The following SHANK2 variants were observed in gnomAD, a reference collection of about 807,000 sequenced individuals.
The protein encoded by SHANK2 is SH3 and multiple ankyrin repeat domains 2.
A neutral mutation model predicts 133.7 loss-of-function variants in SHANK2; 43 were observed. That is an observed-to-expected ratio of 0.32 (90% CI 0.25 to 0.41). SHANK2 has a LOEUF of 0.41. Among genes scored for constraint, SHANK2 ranks in the 10% least tolerant of loss-of-function variants. The pLI, the probability that SHANK2 is intolerant of heterozygous loss-of-function variation, is 1.00. For missense variants in SHANK2, 1,994 were observed against 2,235.8 expected (o/e 0.89, Z 2.18); for synonymous variants, 1,017 against 952.8 (o/e 1.07, Z -1.24).
At chr11:70,876,428 C>T (rs1182443270) in intron 11 of SHANK2, among the ~76,000 whole-genome samples, 5 of 149,930 alleles carry the variant, frequency 3.3e-5, no homozygotes, top group Non-Finnish European at 5.9e-5. Flanking sequence ...GGCGTGGTAT[C>T]GGGCACCTAT....
At chr11:70,853,225 A>C (rs1187552056) in intron 11 of SHANK2, among the ~76,000 whole-genome samples, 1 of 152,132 alleles carries the variant, frequency 6.6e-6, no homozygotes, top group Admixed American at 6.5e-5. Context: ...ACAGAGCCAG[A>C]CTCTTTCTAG....
intron 11 of SHANK2, among the ~76,000 whole-genome samples, chr11:70,858,227 T>A (rs1223085812): frequency 2.0e-5 from 3 of 152,294 alleles, no homozygotes; most frequent in African/African-American, 7.2e-5. Context: ...TTAAATGAAG[T>A]CATCAAAATT....
intron 17 of SHANK2, among the ~76,000 whole-genome samples, chr11:70,579,788 T>C (rs2060160885): frequency 6.6e-6 from 1 of 152,218 alleles, no homozygotes; most frequent in Non-Finnish European, 1.5e-5. Flanking sequence ...GGCCCTGATG[T>C]TCAGCGTCAT....
intron 17 of SHANK2, among the ~76,000 whole-genome samples, chr11:70,548,931 A>G (rs1331141913): frequency 6.6e-6 from 1 of 152,144 alleles, no homozygotes; most frequent in Non-Finnish European, 1.5e-5. Flanking sequence ...AGGGGTTGCC[A>G]GCAGCCACCG....
intron 17 of SHANK2, among the ~76,000 whole-genome samples, chr11:70,578,538 A>T (rs1439291595): frequency 1.1e-4 from 16 of 152,110 alleles, no homozygotes; most frequent in Admixed American, 9.2e-4. Context: ...CACATCCTTC[A>T]TTTGCACCAT....
intron 6 of SHANK2, among the ~76,000 whole-genome samples, chr11:71,103,224 C>T (rs1470837075): frequency 3.9e-5 from 6 of 152,312 alleles, no homozygotes; most frequent in Admixed American, 1.3e-4. Context: ...CCCAGGACAG[C>T]GGTGCCTGCA....
At chr11:70,737,372 A>C (rs1255610267) in intron 14 of SHANK2, among the ~76,000 whole-genome samples, 1 of 152,132 alleles carries the variant, frequency 6.6e-6, no homozygotes, top group Non-Finnish European at 1.5e-5. Context: ...ATCCTCACCC[A>C]TCAGGGTCCC....
chr11:70,877,010 C>T lies in SHANK2; in HGVS notation c.1174+19491G>A, dbSNP rs782310791. Among the ~76,000 whole-genome samples, 147 of 152,242 alleles carry T rather than the reference C, an allele frequency of 9.7e-4. 1 individual carries two copies. The highest frequency in any genetic ancestry group is 3.8e-4 in the Non-Finnish European group (26 of 68,046). On this transcript the variant is annotated intron_variant, in intron 11 of 25. Coordinates refer to ENST00000601538, the MANE Select transcript of SHANK2 (RefSeq NM_012309.5). ...GTGAGATTCTAACAGCTGGAACACA[C>T]ACATGGCCCTGGTGAGAAAGGAGTA...
At chr11:71,161,300 A>AT (rs35444159) in intron 2 of SHANK2, among the ~76,000 whole-genome samples, 9 of 152,168 alleles carry the variant, frequency 5.9e-5, no homozygotes, top group Non-Finnish European at 1.2e-4. Flanking sequence ...AAAACAACGT[A>AT]TTTTTTTACC....
intron 10 of SHANK2, among the ~76,000 whole-genome samples, chr11:70,927,649 C>T (rs900078834): frequency 2.6e-4 from 40 of 152,116 alleles, no homozygotes; most frequent in African/African-American, 8.9e-4. Flanking sequence ...ACCTTCAAGG[C>T]CAGTGACAGT....
intron 2 of SHANK2, among the ~76,000 whole-genome samples, chr11:71,196,224 G>C (rs1953898916): frequency 1.3e-5 from 2 of 152,030 alleles, no homozygotes; most frequent in Admixed American, 1.3e-4. Flanking sequence ...TAAATGGATG[G>C]TTCTTAAATT....
At position 71,086,426 on chromosome 11, in the gene SHANK2, T is replaced by C. The variant is rs1203580835; in HGVS notation, c.912+5996A>G. 2.4e-3 allele frequency among the ~76,000 whole-genome samples: 308 copies of C among 130,062 alleles called. 2 individuals carry two copies. The highest frequency in any genetic ancestry group is 8.5e-3 in the African/African-American group (295 of 34,690). 85.3% of individuals were successfully genotyped at this position (130,062 alleles called of 152,430 possible). A position where few individuals can be genotyped will look rare whatever the true frequency, so the allele number is the denominator to read the frequency against. ...ATTATTTATAATATATAATACATATTATATATTTATAATTTATATATTATA... is the reference window on the plus strand; with the variant it reads ...ATTATTTATAATATATAATACATATCATATATTTATAATTTATATATTATA... On this transcript the variant is annotated intron_variant, in intron 8 of 25. Transcript: ENST00000601538.
chr11:70,559,836 C>T (rs149466894), intron 17 of SHANK2, among the ~76,000 whole-genome samples: 3 of 151,476 alleles, frequency 2.0e-5, no homozygotes, highest in African/African-American at 7.3e-5. Context: ...CCTCTTCCTG[C>T]CCCAGACCAC....
At chr11:70,795,570 T>C (rs532940039) in intron 14 of SHANK2, among the ~76,000 whole-genome samples, 8 of 152,244 alleles carry the variant, frequency 5.3e-5, no homozygotes, top group African/African-American at 1.7e-4. Context: ...CATGTCCGGC[T>C]AATTTTTGCA....
chr11:70,863,590 G>C (rs1949299024), intron 11 of SHANK2: 1 of 455,174 alleles, frequency 2.2e-6, no homozygotes, highest in African/African-American at 2.0e-5. Context: ...AATAACTCAG[G>C]CTGGTGCAAA....
At chr11:71,097,111 G>T (rs1385532710) in intron 6 of SHANK2, among the ~76,000 whole-genome samples, 2 of 152,178 alleles carry the variant, frequency 1.3e-5, no homozygotes, top group Non-Finnish European at 2.9e-5. Context: ...ATGACAAGTG[G>T]CAGCCTTCTC....
At chr11:70,531,075 C>T (rs2059461503) in intron 17 of SHANK2, among the ~76,000 whole-genome samples, 2 of 141,840 alleles carry the variant, frequency 1.4e-5, no homozygotes, top group South Asian at 4.5e-4. Flanking sequence ...ATCCCAGCTA[C>T]TTGGTGGCTG....
intron 15 of SHANK2, among the ~76,000 whole-genome samples, chr11:70,685,786 T>A (rs1158779948): frequency 6.6e-6 from 1 of 152,160 alleles, no homozygotes; most frequent in African/African-American, 2.4e-5. Flanking sequence ...AGTCTCCTTC[T>A]CACTGGGGCC....
chr11:70,853,507 C>T (rs916244542), intron 11 of SHANK2, among the ~76,000 whole-genome samples: 3 of 152,156 alleles, frequency 2.0e-5, no homozygotes, highest in Admixed American at 6.5e-5. Flanking sequence ...CTCTTTATGG[C>T]CAGGGGGGAT....
Sources: allele counts gnomAD v4.1 joint callset (sites outside exome capture counted in the v4.1 genomes callset), GRCh38; gene constraint gnomAD v4.1.1; transcripts MANE v1.5; gene names NCBI Gene and HGNC (gene_info 2026-07-23, HGNC 2026-07-21).